TG: variants seen among roughly 807,000 people sequenced by gnomAD.
TG encodes thyroglobulin, also known as thyroid hormones.
Under a neutral mutation model 324.7 loss-of-function variants are expected in TG, and 270 were observed. The observed-to-expected ratio is 0.83, with a 90% CI of 0.75 to 0.92. TG has a LOEUF of 0.92. TG is among the 40% of genes least tolerant of loss of function. The probability of loss-of-function intolerance (pLI) is 0.00; values close to 1 mark genes in which losing one functional copy is unlikely to be tolerated. For missense variants in TG, 3,591 were observed against 3,456.4 expected (o/e 1.04, Z -0.98); for synonymous variants, 1,401 against 1,327.0 (o/e 1.06, Z -1.21).
chr8:132,871,682 G>A, intron 4 of TG, 131 bp downstream of exon 4: 4 of 816,444 alleles, frequency 4.9e-6, no homozygotes, highest in Non-Finnish European at 7.7e-6. Flanking sequence ...GAAAATGAAA[G>A]CTTCAAAGGG....
chr8:132,896,844 A>G (rs1041795210), intron 11 of TG, among the ~76,000 whole-genome samples: 1 of 152,118 alleles, frequency 6.6e-6, no homozygotes, highest in African/African-American at 2.4e-5. Flanking sequence ...AACACAATAA[A>G]TGGGAACACT....
intron 31 of TG, among the ~76,000 whole-genome samples, chr8:132,968,765 G>A (rs1054836907): frequency 6.6e-6 from 1 of 152,218 alleles, no homozygotes; most frequent in Admixed American, 6.5e-5. Context: ...CTTCAGAGGA[G>A]TTTCTCAACA....
intron 43 of TG, chr8:133,102,485 C>A (rs1044674260): frequency 4.9e-6 from 7 of 1,436,416 alleles, no homozygotes; most frequent in South Asian, 1.2e-5. Context: ...GACCCTCCCC[C>A]ACATACCACC....
intron 35 of TG, 87 bp from the exon 36 acceptor site, chr8:133,011,814 C>A: frequency 1.9e-6 from 3 of 1,586,322 alleles, no homozygotes; most frequent in Admixed American, 3.3e-5. Flanking sequence ...CCTAAGGCTG[C>A]CTTTGGGGAT....
chr8:133,002,784 C>T, intron 35 of TG: 2 of 237,544 alleles, frequency 8.4e-6, no homozygotes, highest in Non-Finnish European at 1.6e-5. Context: ...ATCTTGACTC[C>T]CAGAGTGCTT....
intron 11 of TG, among the ~76,000 whole-genome samples, chr8:132,894,701 T>G (rs531953130): frequency 4.0e-4 from 61 of 152,288 alleles, no homozygotes; most frequent in Non-Finnish European, 8.5e-4. Flanking sequence ...CTTCAAGTGA[T>G]CTGTCTGCCT....
chr8:132,897,602 C>T (rs10088696), intron 11 of TG, 47 bp from the exon 12 acceptor site: 153,392 of 1,613,106 alleles, frequency 0.095, 8,873 homozygotes, highest in African/African-American at 0.25. Context: ...ACAGAGCCCA[C>T]ACAGAGCAGG....
At chr8:132,959,839 G>A (rs1827495014) in intron 27 of TG, among the ~76,000 whole-genome samples, 1 of 152,090 alleles carries the variant, frequency 6.6e-6, no homozygotes, top group South Asian at 2.1e-4. Flanking sequence ...TCCACCTTTT[G>A]TTGTTGTTGT....
chr8:132,995,669 G>A (rs1026688110), intron 35 of TG, among the ~76,000 whole-genome samples: 1 of 152,156 alleles, frequency 6.6e-6, no homozygotes, highest in African/African-American at 2.4e-5. Flanking sequence ...TTTGTGTTTG[G>A]GGAAGTTGGT....
At position 132,913,233 on chromosome 8, in the gene TG, C is replaced by G. The variant is rs749547496; in HGVS notation, c.4346C>G (p.Thr1449Arg). 1 of 1,614,162 alleles carries G rather than the reference C, an allele frequency of 6.2e-7. No individual in the cohort carries two copies. Among genetic ancestry groups the G allele is most frequent in the South Asian group, 1.1e-5 (1 of 91,078 alleles). The change falls in exon 20 of 48, where the codon ACA (threonine) becomes AGA (arginine). Residue 1449 changes from threonine to arginine, a missense_variant. Thr to Arg is a moderately conservative substitution (Grantham distance 71). Coordinates refer to ENST00000220616, the MANE Select transcript of TG (RefSeq NM_003235.5). The stretch of plus-strand genomic sequence containing the variant: ...TCGGAAGGATTCTACCAAGTCTTGA[C>G]AAGTGAGGCCAGTCAGGACGGACTG... ...GCSEGFYQVL[T>R]SEASQDGLGC... is the part of the protein sequence containing the mutation.
rs555902505 is a variant in TG at position 132,888,269 on chromosome 8, T to C, written c.2462T>C (p.Ile821Thr). The change falls in exon 10 of 48, where the codon ATT becomes ACT. Residue 821 changes from isoleucine to threonine, a missense_variant. Transcript: ENST00000220616. ...EAASGNFSLF[I>T]QSLYEAGQQD... ...GCTTCCGGAAACTTCAGTCTCTTTA[T>C]TCAAAGTCTGTATGAGGCTGGCCAG... is the stretch of plus-strand genomic sequence containing the variant. 2.5e-6 allele frequency: 4 copies of C among 1,614,224 alleles called. No individual in the cohort carries two copies. In the East Asian group the frequency reaches 6.7e-5, roughly 27 times the overall value.
chr8:132,987,417 A>T (rs1483990213), intron 35 of TG, among the ~76,000 whole-genome samples: 3 of 138,558 alleles, frequency 2.2e-5, no homozygotes, highest in Non-Finnish European at 3.1e-5. Flanking sequence ...TATGTAAAAT[A>T]TTCATCTTTA....
chr8:132,970,826 T>C lies in TG; in HGVS notation c.5976-968T>C, dbSNP rs553569969. ...GGATCTTAGAAATGAGCTTCCAAGATAGGAAAAGGAAGCAGTAAGTGGACA... is the reference window on the plus strand; with the variant it reads ...GGATCTTAGAAATGAGCTTCCAAGACAGGAAAAGGAAGCAGTAAGTGGACA... On this transcript the variant is annotated intron_variant, in intron 32 of 47. Transcript: ENST00000220616. Among the ~76,000 whole-genome samples, 3 of 151,912 alleles carry C rather than the reference T, an allele frequency of 2.0e-5. 1 individual carries two copies. The South Asian group carries it at 6.3e-4, about 32-fold the overall frequency.
intron 41 of TG, chr8:133,038,496 G>T: frequency 1.3e-6 from 2 of 1,524,692 alleles, no homozygotes; most frequent in Non-Finnish European, 1.8e-6. Context: ...TGTTCCTTTT[G>T]GGCATGAACC....
intron 34 of TG, 135 bp from the exon 35 acceptor site, chr8:132,983,215 A>G (rs913349249): frequency 4.0e-5 from 36 of 908,986 alleles, no homozygotes; most frequent in Admixed American, 6.9e-5. Flanking sequence ...ACCCTGACCG[A>G]TACAGGTTGG....
intron 10 of TG, 126 bp downstream of exon 10, chr8:132,888,694 G>C: frequency 9.6e-7 from 1 of 1,042,626 alleles, no homozygotes; most frequent in Non-Finnish European, 1.3e-6. Flanking sequence ...ATGGAGTTTA[G>C]AGATGGCTGA....
chr8:132,936,696 G>A (rs1823649356), intron 25 of TG, among the ~76,000 whole-genome samples: 1 of 152,158 alleles, frequency 6.6e-6, no homozygotes, highest in South Asian at 2.1e-4. Context: ...CTGGAATCCT[G>A]AGGTCTGCGC....
chr8:133,059,244 G>A (rs959974772), intron 41 of TG: 8 of 423,046 alleles, frequency 1.9e-5, no homozygotes, highest in Admixed American at 1.3e-4. Context: ...AAGGTGGGAA[G>A]CAGAAGTGTT....
chr8:132,986,025 G>A (rs574300755), intron 35 of TG, among the ~76,000 whole-genome samples: 145 of 152,056 alleles, frequency 9.5e-4, no homozygotes, highest in African/African-American at 3.3e-3. Flanking sequence ...ACTTTTTAAC[G>A]TTTAATGAAA....
Sources: gnomAD v4.1 joint callset for allele counts (sites outside exome capture counted in the v4.1 genomes callset) on GRCh38, gnomAD v4.1.1 for gene constraint, MANE v1.5 for transcripts, NCBI Gene and HGNC (gene_info 2026-07-23, HGNC 2026-07-21) for gene names.